Variants in RNPC3 observed in about 807,000 individuals in gnomAD.
RNPC3 encodes the protein RNA-binding region-containing protein 3.
Under a neutral mutation model 67.5 loss-of-function variants are expected in RNPC3, and 48 were observed. That is an observed-to-expected ratio of 0.71 (90% CI 0.56 to 0.90). RNPC3 has a LOEUF of 0.90. RNPC3 is among the 40% of genes least tolerant of loss of function. The pLI is 0.00. For synonymous variants in RNPC3, 239 were observed against 210.3 expected (o/e 1.14, Z -1.18); for missense variants, 637 against 626.1 (o/e 1.02, Z -0.19).
intron 10 of RNPC3, 104 bp downstream of exon 10, chr1:103,545,206 T>C (rs1651214915): frequency 2.2e-6 from 2 of 902,540 alleles, no homozygotes; most frequent in Non-Finnish European, 3.3e-6. Flanking sequence ...TTAAGGCACA[T>C]ACTTTAAAAC....
intron 4 of RNPC3, among the ~76,000 whole-genome samples, 152 bp from the exon 5 acceptor site, chr1:103,535,177 TC>T: frequency 6.6e-6 from 1 of 152,040 alleles, no homozygotes; most frequent in Middle Eastern, 3.2e-3. Flanking sequence ...AGCTTATTTT[TC>T]TTTTTAAATG....
At position 103,549,938 on chromosome 1, in the gene RNPC3, G is replaced by T. The variant is rs140734482; in HGVS notation, c.1362-1003G>T. 1.6e-3 allele frequency among the ~76,000 whole-genome samples: 245 copies of T among 151,084 alleles called. 4 individuals are homozygous for T. The East Asian group carries it at 0.046, about 28-fold the overall frequency. ...AGCACATTGGGAGGCCGAAGCGGGG[G>T]GGATCACTTGAGGTCAGGAGTTCAA... is the stretch of plus-strand genomic sequence containing the variant. On this transcript the variant is annotated intron_variant, in intron 12 of 14. Coordinates refer to ENST00000423855, the MANE Select transcript of RNPC3 (RefSeq NM_017619.4).
At chr1:103,543,769 AT>A in intron 9 of RNPC3, among the ~76,000 whole-genome samples, 1 of 151,778 alleles carries the variant, frequency 6.6e-6, no homozygotes, top group Non-Finnish European at 1.5e-5. Context: ...GCCGTGGCCT[AT>A]GGTTTTATTA....
chr1:103,536,774 G>GT (rs375372037), intron 6 of RNPC3, among the ~76,000 whole-genome samples: 11,311 of 147,248 alleles, frequency 0.077, 604 homozygotes, highest in Middle Eastern at 0.12. Flanking sequence ...TTTAGGATTT[G>GT]TTTTTTTTTT....
chr1:103,529,419 AAG>A (rs1472922183), intron 2 of RNPC3, among the ~76,000 whole-genome samples: 1 of 152,214 alleles, frequency 6.6e-6, no homozygotes, highest in African/African-American at 2.4e-5. Context: ...AGGAAGCAGT[AAG>A]AGGTTAACGG....
chr1:103,527,458 A>T (rs948049408), intron 1 of RNPC3, among the ~76,000 whole-genome samples: 1 of 152,216 alleles, frequency 6.6e-6, no homozygotes, highest in South Asian at 2.1e-4. Flanking sequence ...AACTATTTGC[A>T]TGTGTAAAAC....
At position 103,534,149 on chromosome 1, in the gene RNPC3, T is replaced by G. The variant is rs561036167; in HGVS notation, c.359+292T>G. On this transcript the variant is annotated intron_variant, in intron 3 of 14. Coordinates refer to ENST00000423855, the MANE Select transcript of RNPC3 (RefSeq NM_017619.4). ...GAGGGAAAATAACTAGTATGAAGTC[T>G]TTGTATCAGAGATATAACAGTGTCA... 2.1e-4 allele frequency among the ~76,000 whole-genome samples: 32 copies of G among 152,162 alleles called. No individual in the cohort carries two copies. The South Asian group carries it at 3.7e-3, about 18-fold the overall frequency.
intron 9 of RNPC3, 36 bp downstream of exon 9, chr1:103,543,483 A>G (rs1458001355): frequency 7.4e-7 from 1 of 1,347,842 alleles, no homozygotes; most frequent in African/African-American, 1.5e-5. Flanking sequence ...TGCTGAAATC[A>G]ACTTATTGTG....
At chr1:103,530,652 G>A (rs746840271) in intron 2 of RNPC3, among the ~76,000 whole-genome samples, 2 of 152,144 alleles carry the variant, frequency 1.3e-5, no homozygotes, top group Non-Finnish European at 2.9e-5. Flanking sequence ...GAGCAAGGGG[G>A]TGACCTTGGT....
intron 10 of RNPC3, chr1:103,545,332 T>A (rs1020816454): frequency 2.1e-5 from 7 of 334,160 alleles, no homozygotes; most frequent in Admixed American, 5.2e-5. Flanking sequence ...TAGGAAAAAA[T>A]TTTGTTTTCA....
chr1:103,551,819 A>T (rs1309221437), intron 14 of RNPC3, 27 bp downstream of exon 14: 5 of 1,111,602 alleles, frequency 4.5e-6, no homozygotes, highest in African/African-American at 1.6e-5. Context: ...CATAATAAAA[A>T]GACAAGACTA....
In RNPC3 at chr1:103,526,015, C is replaced by G; in HGVS notation, c.-56C>G. 7.3e-7 allele frequency: 1 copy of G among 1,378,204 alleles called. No individual in the cohort carries two copies. Among genetic ancestry groups the G allele is most frequent in the Non-Finnish European group, 9.8e-7 (1 of 1,021,406 alleles). The allele number at this position is 1,378,204 out of a possible 1,614,324, so 85.4% of individuals were successfully genotyped here. A position where few individuals can be genotyped will look rare whatever the true frequency, so the allele number is the denominator to read the frequency against. Reference sequence around the variant, plus strand: ...TATTTCTCCCAGCTTGTGTTGATGCCGCGATTTTGACTGAGACTTCTTCCC... The same window carrying G: ...TATTTCTCCCAGCTTGTGTTGATGCGGCGATTTTGACTGAGACTTCTTCCC... On this transcript the variant is annotated 5_prime_UTR_variant, in exon 1 of 15. Transcript: ENST00000423855.
Position 103,541,556 on chromosome 1 carries a change from G to A in RNPC3, c.893+81G>A, listed in dbSNP as rs550259927. Reference sequence around the variant, plus strand: ...CTTAATTCACATCATTCTTCATTCTGGCATTTGTTTCCTGTCAGTGTTCTT... The same window carrying A: ...CTTAATTCACATCATTCTTCATTCTAGCATTTGTTTCCTGTCAGTGTTCTT... On this transcript the variant is annotated intron_variant, in intron 8 of 14. Coordinates refer to ENST00000423855, the MANE Select transcript of RNPC3 (RefSeq NM_017619.4). The A allele has an allele frequency of 1.5e-4, 192 of 1,304,556 alleles. No individual in the cohort carries two copies. In the South Asian group the frequency reaches 2.7e-3, roughly 18 times the overall value. The allele number at this position is 1,304,556 out of a possible 1,614,324, so 80.8% of individuals were successfully genotyped here. A position where few individuals can be genotyped will look rare whatever the true frequency, so the allele number is the denominator to read the frequency against.
At chr1:103,546,626 T>TGGAGG (rs1651250816) in intron 11 of RNPC3, 2 of 317,014 alleles carry the variant, frequency 6.3e-6, no homozygotes, top group Admixed American at 4.9e-5. Context: ...CTCACAGTTC[T>TGGAGG]GGAGGCAAAC....
Position 103,537,459 on chromosome 1 carries a change from A to G in RNPC3, c.742A>G (p.Ser248Gly), listed in dbSNP as rs1239162578. 1.3e-6 allele frequency: 2 copies of G among 1,536,498 alleles called. No individual in the cohort carries two copies. The highest frequency in any genetic ancestry group is 1.7e-6 in the Non-Finnish European group (2 of 1,146,616). The change falls in exon 7 of 15, where the codon AGC (serine) becomes GGC (glycine). Residue 248 changes from serine to glycine, a missense_variant. Ser to Gly is a moderately conservative substitution (Grantham distance 56, BLOSUM62 0). Transcript: ENST00000423855. The stretch of plus-strand genomic sequence containing the variant: ...ATCTAGTGAAGAATCAGAATATGAA[A>G]GCACTGATGATGAGGACCGACAGAG... ...ELSSEESEYE[S>G]TDDEDRQRMN...
chr1:103,536,436 CA>C (rs1314404092), intron 6 of RNPC3, among the ~76,000 whole-genome samples: 4 of 151,996 alleles, frequency 2.6e-5, no homozygotes, highest in African/African-American at 9.7e-5. Flanking sequence ...TTTTTTGAGC[CA>C]AAACATTGTG....
Position 103,543,292 on chromosome 1 carries a change from A to G in RNPC3, c.894-4A>G. The G allele has an allele frequency of 7.1e-7, 1 of 1,406,516 alleles. No homozygotes were observed. The highest frequency in any genetic ancestry group is 9.2e-7 in the Non-Finnish European group (1 of 1,086,520). 87.1% of individuals were successfully genotyped at this position (1,406,516 alleles called of 1,614,324 possible). The stretch of plus-strand genomic sequence containing the variant: ...AAACTAATGCTATGATTGTTTTTAA[A>G]TAGCAGTTTACATCCAGTGCTGTTA... On this transcript the variant is annotated splice_polypyrimidine_tract_variant and splice_region_variant and intron_variant, in intron 8 of 14. Coordinates refer to ENST00000423855, the MANE Select transcript of RNPC3 (RefSeq NM_017619.4).
At chr1:103,529,794 C>G (rs1650802848) in intron 2 of RNPC3, among the ~76,000 whole-genome samples, 1 of 152,170 alleles carries the variant, frequency 6.6e-6, no homozygotes, top group Non-Finnish European at 1.5e-5. Context: ...CAGACTGGTA[C>G]CCAGCCACGG....
intron 14 of RNPC3, 51 bp from the exon 15 acceptor site, chr1:103,554,983 A>T (rs1248847809): frequency 6.6e-6 from 1 of 152,158 alleles, no homozygotes; most frequent in Non-Finnish European, 1.5e-5. Flanking sequence ...TTTTTAAACT[A>T]ATGACCTGTG....
Sources: allele counts gnomAD v4.1 joint callset (sites outside exome capture counted in the v4.1 genomes callset), GRCh38; gene constraint gnomAD v4.1.1; transcripts MANE v1.5; gene names NCBI Gene and HGNC (gene_info 2026-07-23, HGNC 2026-07-21).